Variants in VPS37C observed in about 807,000 individuals in gnomAD.
VPS37C encodes vacuolar protein sorting-associated protein 37C.
In VPS37C, 9 loss-of-function variants were observed where a neutral mutation model predicts 16.1. The ratio of observed to expected loss-of-function variants is 0.56; its 90% CI spans 0.34 to 0.97. The LOEUF is 0.97. Among genes scored for constraint, VPS37C ranks in the 50% least tolerant of loss-of-function variants. The pLI, the probability that VPS37C is intolerant of heterozygous loss-of-function variation, is 0.02. For synonymous variants in VPS37C, 207 were observed against 206.4 expected (o/e 1.00, Z -0.02); for missense variants, 479 against 472.7 (o/e 1.01, Z -0.12).
At chr11:61,152,956 T>A (rs984796420) in intron 1 of VPS37C, among the ~76,000 whole-genome samples, 5 of 152,236 alleles carry the variant, frequency 3.3e-5, no homozygotes, top group African/African-American at 1.2e-4. Flanking sequence ...CTGCCTTCCA[T>A]GGTACTCTGT....
chr11:61,150,880 T>C (rs1853288351), intron 1 of VPS37C, among the ~76,000 whole-genome samples: 1 of 152,172 alleles, frequency 6.6e-6, no homozygotes, highest in African/African-American at 2.4e-5. Flanking sequence ...GTTCCATCAG[T>C]GTCAGGAACT....
chr11:61,133,496 T>C (rs534828958), intron 3 of VPS37C, among the ~76,000 whole-genome samples, 159 bp from the exon 4 acceptor site: 146 of 152,292 alleles, frequency 9.6e-4, no homozygotes, highest in African/African-American at 3.2e-3. Context: ...TTTGGTCCAG[T>C]TCCTTCCTGA....
chr11:61,140,957 TC>T (rs1379900824), intron 1 of VPS37C, among the ~76,000 whole-genome samples: 1 of 152,120 alleles, frequency 6.6e-6, no homozygotes, highest in African/African-American at 2.4e-5. Flanking sequence ...ACACCTGTAA[TC>T]CCAACACTTT....
At chr11:61,154,754 A>G (rs656352) in intron 1 of VPS37C, among the ~76,000 whole-genome samples, 113,042 of 152,132 alleles carry the variant, frequency 0.74, 43,521 homozygotes, top group East Asian at 1. Flanking sequence ...CAAAACACAC[A>G]AAGAAAATTA....
rs1476667372 is a variant in VPS37C, at chr11:61,131,125, C to CT, written c.*694dup. ...AGGGCCCAAGGCAGCCCCCTGGGTT[C>CT]TCCAACCACTGCAAGCAAGGTCTGG... On this transcript the variant is annotated 3_prime_UTR_variant, in exon 5 of 5. Transcript: ENST00000301765. 4.4e-6 allele frequency: 1 copy of CT among 228,432 alleles called. No homozygotes were observed. The highest frequency in any genetic ancestry group is 8.6e-6 in the Non-Finnish European group (1 of 115,850). 14.2% of individuals were successfully genotyped at this position (228,432 alleles called of 1,614,324 possible).
chr11:61,151,932 C>A (rs959984133), intron 1 of VPS37C, among the ~76,000 whole-genome samples: 6 of 152,166 alleles, frequency 3.9e-5, no homozygotes, highest in African/African-American at 9.7e-5. Flanking sequence ...AAAAGGAAAA[C>A]ATACTGACTT....
intron 1 of VPS37C, 177 bp downstream of exon 1, chr11:61,161,214 C>G (rs1853468290): frequency 6.6e-6 from 1 of 151,944 alleles, no homozygotes; most frequent in Non-Finnish European, 1.5e-5. Context: ...CCGCGAGGGG[C>G]AGGGGCGCCG....
At chr11:61,147,615 T>A (rs1194459569) in intron 1 of VPS37C, among the ~76,000 whole-genome samples, 2 of 151,952 alleles carry the variant, frequency 1.3e-5, no homozygotes, top group African/African-American at 2.4e-5. Context: ...AGTCATGCAA[T>A]GATGGTTTTC....
At position 61,132,120 on chromosome 11, in the gene VPS37C, C is replaced by T. The variant is rs757928294; in HGVS notation, c.768G>A (p.Ala256=). 7.0e-6 allele frequency: 10 copies of T among 1,435,028 alleles called. No individual in the cohort carries two copies. In the East Asian group the frequency reaches 8.0e-5, roughly 11 times the overall value. 88.9% of individuals were successfully genotyped at this position (1,435,028 alleles called of 1,614,324 possible). ...PAAQLGPRGA[A]GYSWSPQRSM... Reference sequence around the variant, plus strand: ...TCCTCTGTGGGGACCAGGAGTAACCCGCAGCACCCCTGGGTCCAAGCTGGG... The same window carrying T: ...TCCTCTGTGGGGACCAGGAGTAACCTGCAGCACCCCTGGGTCCAAGCTGGG... The change falls in exon 5 of 5, where the codon GCG becomes GCA. Residue 256 remains alanine (A), a synonymous_variant. Coordinates refer to ENST00000301765, the MANE Select transcript of VPS37C (RefSeq NM_017966.5).
At chr11:61,134,851 G>A (rs1318409722) in intron 2 of VPS37C, among the ~76,000 whole-genome samples, 1 of 152,200 alleles carries the variant, frequency 6.6e-6, no homozygotes, top group African/African-American at 2.4e-5. Flanking sequence ...ACTTCCCCAA[G>A]CCAAGCGGCA....
At chr11:61,134,624 G>C (rs946698097) in intron 2 of VPS37C, among the ~76,000 whole-genome samples, 5 of 152,214 alleles carry the variant, frequency 3.3e-5, no homozygotes, top group African/African-American at 1.2e-4. Context: ...GACCTACCAT[G>C]GTGGGCTCAG....
intron 1 of VPS37C, chr11:61,143,358 CTTAATTTTTTTTTTTTTTTT>C (rs1861505530): frequency 8.4e-6 from 1 of 119,202 alleles, no homozygotes; most frequent in Non-Finnish European, 1.8e-5. Context: ...CTCCAGGATT[CTTAATTTTTTTTTTTTTTTT>C]TTTTTTTTTT....
chr11:61,160,845 G>C (rs570843517), intron 1 of VPS37C, among the ~76,000 whole-genome samples: 20 of 152,320 alleles, frequency 1.3e-4, no homozygotes, highest in African/African-American at 4.6e-4. Flanking sequence ...GATGCTGGGA[G>C]GTCCAAGTCT....
In VPS37C at chr11:61,132,082, C is replaced by T. The variant is rs757091960; in HGVS notation, c.806G>A (p.Arg269Gln). 38 of 1,398,368 alleles carry T rather than the reference C, an allele frequency of 2.7e-5. No homozygotes were observed. The highest frequency in any genetic ancestry group is 2.4e-4 in the South Asian group (14 of 59,256). 86.6% of individuals were successfully genotyped at this position (1,398,368 alleles called of 1,614,324 possible). A position where few individuals can be genotyped will look rare whatever the true frequency, so the allele number is the denominator to read the frequency against. The change falls in exon 5 of 5, where the codon CGG (arginine) becomes CAG (glutamine). Residue 269 changes from arginine to glutamine, a missense_variant. Transcript: ENST00000301765. ...CATTGGGGTCCCAGGATAGCCCGGC[C>T]GGGGTGGCATGCTCCTCTGTGGGGA... The part of the protein sequence containing the change: ...SWSPQRSMPP[R>Q]PGYPGTPMGA...
chr11:61,136,721 C>T (rs978925122), intron 2 of VPS37C, among the ~76,000 whole-genome samples: 7 of 152,208 alleles, frequency 4.6e-5, no homozygotes, highest in Non-Finnish European at 1.0e-4. Flanking sequence ...AGAATCTATA[C>T]TCATACAGAT....
intron 1 of VPS37C, among the ~76,000 whole-genome samples, chr11:61,149,648 A>G (rs1167847360): frequency 6.6e-6 from 1 of 152,262 alleles, no homozygotes; most frequent in African/African-American, 2.4e-5. Context: ...ATGTGGCTCC[A>G]AACAAGCTCC....
chr11:61,155,542 T>C (rs1179337565), intron 1 of VPS37C, among the ~76,000 whole-genome samples: 1 of 151,650 alleles, frequency 6.6e-6, no homozygotes, highest in East Asian at 1.9e-4. Context: ...AGCAGACTAC[T>C]GATATGAAAC....
In VPS37C at chr11:61,131,527, T is replaced by C. The variant is rs983397952; in HGVS notation, c.*293A>G. On this transcript the variant is annotated 3_prime_UTR_variant, in exon 5 of 5. Coordinates refer to ENST00000301765, the MANE Select transcript of VPS37C (RefSeq NM_017966.5). ...AAGTAGATGCTCATAAATGCGCACATGCGCTCACTCACACAGACACCGGCG... is the reference window on the plus strand; with the variant it reads ...AAGTAGATGCTCATAAATGCGCACACGCGCTCACTCACACAGACACCGGCG... 8.5e-6 allele frequency: 3 copies of C among 352,122 alleles called. No individual in the cohort carries two copies. The highest frequency in any genetic ancestry group is 7.3e-4 in the Middle Eastern group (1 of 1,364). 21.8% of individuals were successfully genotyped at this position (352,122 alleles called of 1,614,324 possible).
At chr11:61,156,700 A>C (rs1321292628) in intron 1 of VPS37C, among the ~76,000 whole-genome samples, 2 of 152,246 alleles carry the variant, frequency 1.3e-5, no homozygotes, top group Non-Finnish European at 2.9e-5. Context: ...GATATACCGT[A>C]ATTTTTAAAT....
Sources: gnomAD v4.1 joint callset for allele counts (sites outside exome capture counted in the v4.1 genomes callset) on GRCh38, gnomAD v4.1.1 for gene constraint, MANE v1.5 for transcripts, NCBI Gene and HGNC (gene_info 2026-07-23, HGNC 2026-07-21) for gene names.